The following RGS6 variants were observed in gnomAD, a reference collection of about 807,000 sequenced individuals.
RGS6 encodes the protein regulator of G-protein signaling 6.
A neutral mutation model predicts 78.5 loss-of-function variants in RGS6; 30 were observed. The ratio of observed to expected loss-of-function variants is 0.38; its 90% confidence interval spans 0.29 to 0.52. RGS6 has a LOEUF of 0.52. Ranked by LOEUF, RGS6 falls within the 20% of genes least tolerant of loss-of-function variation. RGS6 has a pLI of 0.85. For synonymous variants in RGS6, 206 were observed against 206.0 expected, an observed-to-expected ratio of 1.00 and a Z score of 0.00; for missense variants, 495 against 609.7, an observed-to-expected ratio of 0.81 and a Z score of 1.98.
the RGS6 span, among the ~76,000 whole-genome samples, chr14:71,905,973 A>G: frequency 6.6e-6 from 1 of 152,200 alleles, no homozygotes. Flanking sequence ...AGGAAAAGTT[A>G]TGGGATAGGC....
At chr14:72,236,272 T>C (rs1045534604) in intron 2 of RGS6, among the ~76,000 whole-genome samples, 4 of 152,220 alleles carry the variant, frequency 2.6e-5, no homozygotes, top group Admixed American at 2.0e-4. Context: ...TCACTGGCTA[T>C]CCATGTATTC....
intron 2 of RGS6, among the ~76,000 whole-genome samples, chr14:72,284,563 A>G (rs1474048901): frequency 6.6e-6 from 1 of 152,186 alleles, no homozygotes; most frequent in Non-Finnish European, 1.5e-5. Context: ...GATATATGGA[A>G]ACTCCTGGAT....
intron 2 of RGS6, among the ~76,000 whole-genome samples, chr14:72,271,418 C>T (rs2059917047): frequency 6.6e-6 from 1 of 152,114 alleles, no homozygotes. Flanking sequence ...CCATGATTAA[C>T]TTACCTCCCA....
At position 72,562,700 on chromosome 14, in the gene RGS6, C is replaced by G. The variant is rs1442918698; in HGVS notation, c.*233C>G. The G allele has an allele frequency of 1.3e-6, 2 of 1,536,200 alleles. No individual in the cohort carries two copies. The highest frequency in any genetic ancestry group is 1.7e-6 in the Non-Finnish European group (2 of 1,146,920). ...GGTGGAGGCTCCTGTTTACAGCCCT[C>G]TCTTCTTTGTACAGTTGTATTCCAA... On this transcript the variant is annotated 3_prime_UTR_variant, in exon 18 of 18. Transcript: ENST00000553525.
intron 2 of RGS6, among the ~76,000 whole-genome samples, chr14:72,195,487 C>T (rs1352751915): frequency 2.0e-5 from 3 of 152,042 alleles, no homozygotes; most frequent in African/African-American, 7.2e-5. Flanking sequence ...AAAAAGAGGG[C>T]CCAGGGCCAG....
chr14:72,494,066 A>G (rs1566977435), intron 12 of RGS6, among the ~76,000 whole-genome samples: 2 of 152,236 alleles, frequency 1.3e-5, no homozygotes, highest in African/African-American at 2.4e-5. Context: ...TCCAGTTTCG[A>G]GCAAGAAGAC....
chr14:71,990,025 G>T (rs2094887612), intron 2 of RGS6, among the ~76,000 whole-genome samples: 1 of 152,164 alleles, frequency 6.6e-6, no homozygotes, highest in African/African-American at 2.4e-5. Context: ...TGTACAAGAA[G>T]CATGGCACCG....
intron 3 of RGS6, among the ~76,000 whole-genome samples, chr14:72,407,746 G>C (rs2093053436): frequency 6.6e-6 from 1 of 152,238 alleles, no homozygotes; most frequent in African/African-American, 2.4e-5. Flanking sequence ...AGTACTTGAA[G>C]TGCAAGGGAA....
chr14:72,337,080 G>C (rs2250557), intron 2 of RGS6, among the ~76,000 whole-genome samples: 1 of 151,794 alleles, frequency 6.6e-6, no homozygotes, highest in Non-Finnish European at 1.5e-5. Context: ...GCACAATTCA[G>C]TCCATAACAA....
the RGS6 span, among the ~76,000 whole-genome samples, chr14:72,589,508 C>T: frequency 1.3e-5 from 2 of 152,160 alleles, no homozygotes; most frequent in East Asian, 3.8e-4. Flanking sequence ...TGAGATAGCA[C>T]CACTGCACTC....
the RGS6 span, among the ~76,000 whole-genome samples, chr14:72,602,835 C>T: frequency 1.3e-5 from 2 of 152,132 alleles, no homozygotes; most frequent in African/African-American, 2.4e-5. Flanking sequence ...CCAGAAGCTG[C>T]GTTCCATTCC....
At chr14:72,061,417 A>G (rs1006057744) in intron 2 of RGS6, among the ~76,000 whole-genome samples, 1 of 152,184 alleles carries the variant, frequency 6.6e-6, no homozygotes, top group Non-Finnish European at 1.5e-5. Context: ...GATTTAATAT[A>G]GTTGAGAAGA....
At chr14:72,492,145 T>C (rs2096586531) in intron 12 of RGS6, among the ~76,000 whole-genome samples, 1 of 152,190 alleles carries the variant, frequency 6.6e-6, no homozygotes, top group Admixed American at 6.5e-5. Flanking sequence ...AACACTGCTA[T>C]AACAAAAGAG....
chr14:72,092,778 C>T (rs370282172), intron 2 of RGS6, among the ~76,000 whole-genome samples: 26 of 152,328 alleles, frequency 1.7e-4, no homozygotes, highest in Admixed American at 5.2e-4. Context: ...TTCCTGTATT[C>T]TCTGCATCCA....
At chr14:72,079,629 T>G (rs1290329861) in intron 2 of RGS6, among the ~76,000 whole-genome samples, 3 of 152,112 alleles carry the variant, frequency 2.0e-5, no homozygotes, top group Admixed American at 1.3e-4. Context: ...GTATAACGGA[T>G]CTTTTAACTC....
chr14:72,538,302 T>C (rs139111735), intron 16 of RGS6, among the ~76,000 whole-genome samples: 2 of 152,354 alleles, frequency 1.3e-5, no homozygotes, highest in Admixed American at 6.5e-5. Context: ...AGCCTCACTT[T>C]TCTGCTGAGA....
chr14:71,916,582 C>A, the RGS6 span, among the ~76,000 whole-genome samples: 2 of 150,800 alleles, frequency 1.3e-5, no homozygotes, highest in African/African-American at 2.4e-5. Flanking sequence ...GATCTGCAGG[C>A]CTGGGAGACT....
At chr14:72,355,864 C>T (rs888721690) in intron 3 of RGS6, among the ~76,000 whole-genome samples, 3 of 152,074 alleles carry the variant, frequency 2.0e-5, no homozygotes, top group Admixed American at 2.0e-4. Context: ...GTGCCCAAGG[C>T]AAGAGAGTTC....
chr14:72,087,189 G>T (rs2095077353), intron 2 of RGS6, among the ~76,000 whole-genome samples: 2 of 152,136 alleles, frequency 1.3e-5, no homozygotes, highest in South Asian at 4.1e-4. Context: ...GGAGTGCAGT[G>T]CCACGATCTT....
Sources: gnomAD v4.1 joint callset for allele counts (sites outside exome capture counted in the v4.1 genomes callset) on GRCh38, gnomAD v4.1.1 for gene constraint, MANE v1.5 for transcripts, NCBI Gene and HGNC (gene_info 2026-07-23, HGNC 2026-07-21) for gene names.